The following NWD2 variants were observed in gnomAD, a reference collection of about 807,000 sequenced individuals.
The protein encoded by NWD2 is NACHT and WD repeat domain containing 2, also known as NACHT and WD repeat domain-containing protein 2.
In NWD2, 37 loss-of-function variants were observed where a neutral mutation model predicts 132.7. The ratio of observed to expected loss-of-function variants is 0.28; its 90% CI spans 0.21 to 0.37. The LOEUF is 0.37. Ranked by LOEUF, NWD2 falls within the 10% of genes least tolerant of loss-of-function variation. The probability of loss-of-function intolerance (pLI) is 1.00; values close to 1 mark genes in which losing one functional copy is unlikely to be tolerated. For synonymous variants in NWD2, 705 were observed against 803.0 expected, an observed-to-expected ratio of 0.88 and a Z score of 2.06; for missense variants, 1,592 against 2,122.4, an observed-to-expected ratio of 0.75 and a Z score of 4.91.
Position 37,321,081 on chromosome 4 carries a change from T to A in NWD2, c.152-4855T>A, listed in dbSNP as rs186278681. ...CTGAGGCATGAAAATTGCTTGAACC[T>A]GGGAGGTAGAGGTTGCAGTGAGCCG... On this transcript the variant is annotated intron_variant, in intron 1 of 6. Coordinates refer to ENST00000309447, the MANE Select transcript of NWD2 (RefSeq NM_001144990.2). Among the ~76,000 whole-genome samples the A allele has an allele frequency of 2.6e-5, 4 of 152,078 alleles. No homozygotes were observed. In the East Asian group the frequency reaches 7.8e-4, roughly 29 times the overall value.
intron 5 of NWD2, among the ~76,000 whole-genome samples, 179 bp from the exon 6 acceptor site, chr4:37,438,622 G>A (rs761565525): frequency 4.6e-5 from 7 of 152,120 alleles, no homozygotes; most frequent in South Asian, 2.1e-4. Flanking sequence ...CTGTTCTCCC[G>A]GGTTGCTGGC....
chr4:37,316,756 C>A (rs1718967573), intron 1 of NWD2, among the ~76,000 whole-genome samples: 1 of 152,160 alleles, frequency 6.6e-6, no homozygotes, highest in Non-Finnish European at 1.5e-5. Flanking sequence ...CCCACTCAGA[C>A]AATTTCCGTT....
In NWD2 at chr4:37,265,809, C is replaced by G. The variant is rs146820676; in HGVS notation, c.151+20591C>G. ...CAAAATAGTCTCCCCATTTCAAGAT[C>G]CTTAGCTTAATCACATCTGCAGAGT... is the stretch of plus-strand genomic sequence containing the variant. On this transcript the variant is annotated intron_variant, in intron 1 of 6. Transcript: ENST00000309447. Among the ~76,000 whole-genome samples, 120 of 152,176 alleles carry G rather than the reference C, an allele frequency of 7.9e-4. 1 individual carries two copies. The highest frequency in any genetic ancestry group is 2.8e-3 in the African/African-American group (116 of 41,550).
At chr4:37,353,981 T>A (rs1294414563) in intron 2 of NWD2, among the ~76,000 whole-genome samples, 2 of 152,172 alleles carry the variant, frequency 1.3e-5, no homozygotes, top group Non-Finnish European at 2.9e-5. Context: ...TCTTTGTGGC[T>A]TTATCTACCT....
Position 37,444,721 on chromosome 4 carries a change from A to T in NWD2, c.2733A>T (p.Ser911=), listed in dbSNP as rs1712588473. 1 of 1,551,936 alleles carries T rather than the reference A, an allele frequency of 6.4e-7. No homozygotes were observed. The highest frequency in any genetic ancestry group is 8.7e-7 in the Non-Finnish European group (1 of 1,147,082). The change falls in exon 7 of 7, where the codon TCA becomes TCT. Residue 911 remains serine, a synonymous_variant. Transcript: ENST00000309447. This position sits in a 1 kb window ranked among gnomAD's most constrained non-coding sequence, Gnocchi z 4.8. ...NKVTAFPGSL[S]AELQQRLLPV... Reference sequence around the variant, plus strand: ...TCACTGCATTTCCCGGCTCCCTTTCAGCAGAGCTTCAGCAAAGACTGCTGC... The same window carrying T: ...TCACTGCATTTCCCGGCTCCCTTTCTGCAGAGCTTCAGCAAAGACTGCTGC...
chr4:37,409,271 A>G (rs1328737698), intron 3 of NWD2, among the ~76,000 whole-genome samples: 2 of 152,050 alleles, frequency 1.3e-5, no homozygotes, highest in Non-Finnish European at 2.9e-5. Flanking sequence ...AAAAAAGGTT[A>G]GAGGAATGGC....
At chr4:37,355,813 A>G (rs1719860480) in intron 2 of NWD2, among the ~76,000 whole-genome samples, 2 of 152,128 alleles carry the variant, frequency 1.3e-5, no homozygotes, top group African/African-American at 4.8e-5. Flanking sequence ...TTTTTCAGAT[A>G]TATATTGATG....
chr4:37,361,023 A>G (rs902650971), intron 3 of NWD2, among the ~76,000 whole-genome samples: 3 of 152,174 alleles, frequency 2.0e-5, no homozygotes, highest in South Asian at 2.1e-4. Context: ...GGGACTATAC[A>G]AAAGATCCTC....
chr4:37,279,422 G>A (rs118017786), intron 1 of NWD2, among the ~76,000 whole-genome samples: 2 of 152,266 alleles, frequency 1.3e-5, no homozygotes, highest in East Asian at 3.9e-4. Flanking sequence ...GAAATCATAT[G>A]TAGAGACAGA....
chr4:37,286,192 C>A (rs926608619), intron 1 of NWD2, among the ~76,000 whole-genome samples: 5 of 152,200 alleles, frequency 3.3e-5, no homozygotes, highest in Admixed American at 2.0e-4. Context: ...GTAAGTTAAT[C>A]ATTTTCGGTG....
chr4:37,407,752 A>C (rs1721074674), intron 3 of NWD2, among the ~76,000 whole-genome samples: 1 of 152,224 alleles, frequency 6.6e-6, no homozygotes, highest in African/African-American at 2.4e-5. Context: ...AACATGGTGG[A>C]ATAGGATCAG....
intron 1 of NWD2, among the ~76,000 whole-genome samples, chr4:37,259,219 G>T (rs1315881589): frequency 1.3e-5 from 2 of 152,268 alleles, no homozygotes; most frequent in Non-Finnish European, 2.9e-5. Context: ...CTGTTGAAAA[G>T]AAATGCAACT....
Position 37,245,017 on chromosome 4 carries a change from C to A in NWD2, c.-51C>A. On this transcript the variant is annotated 5_prime_UTR_variant, in exon 1 of 7. Transcript: ENST00000309447. ...TTCCGTGGAGCTGCGGGCAGGAACC[C>A]GAGGAGCAGGAGGTGGCGGCGGCGG... is the stretch of plus-strand genomic sequence containing the variant. 3 of 1,537,632 alleles carry A rather than the reference C, an allele frequency of 2.0e-6. No individual in the cohort carries two copies. The highest frequency in any genetic ancestry group is 4.4e-4 in the Middle Eastern group (2 of 4,524).
At chr4:37,255,517 G>A (rs901115829) in intron 1 of NWD2, among the ~76,000 whole-genome samples, 6 of 152,200 alleles carry the variant, frequency 3.9e-5, no homozygotes, top group African/African-American at 1.2e-4. Context: ...GGGCTGAAAT[G>A]TGTTTAATTT....
chr4:37,423,295 T>C (rs1393647796), intron 3 of NWD2, among the ~76,000 whole-genome samples: 1 of 152,200 alleles, frequency 6.6e-6, no homozygotes, highest in Non-Finnish European at 1.5e-5. Flanking sequence ...TAGTCACTTG[T>C]CATTATTATT....
At chr4:37,393,224 T>A (rs1720715704) in intron 3 of NWD2, among the ~76,000 whole-genome samples, 1 of 152,000 alleles carries the variant, frequency 6.6e-6, no homozygotes, top group African/African-American at 2.4e-5. Context: ...TTGATCAGAA[T>A]CAAATAAAAG....
At chr4:37,426,251 T>A (rs1244510223) in intron 3 of NWD2, among the ~76,000 whole-genome samples, 1 of 152,192 alleles carries the variant, frequency 6.6e-6, no homozygotes, top group East Asian at 1.9e-4. Context: ...TGTCTTAGAC[T>A]CCTAAAAATT....
At chr4:37,401,483 A>T (rs950041936) in intron 3 of NWD2, among the ~76,000 whole-genome samples, 1 of 151,926 alleles carries the variant, frequency 6.6e-6, no homozygotes, top group Non-Finnish European at 1.5e-5. Context: ...ACTCTATTCC[A>T]TTGCTTTGGG....
chr4:37,287,308 G>A (rs1328911718), intron 1 of NWD2, among the ~76,000 whole-genome samples: 7 of 152,170 alleles, frequency 4.6e-5, no homozygotes, highest in Non-Finnish European at 8.8e-5. Flanking sequence ...CACAGCTGTA[G>A]CTGCCTGCTG....
Sources: gnomAD v4.1 joint callset for allele counts (sites outside exome capture counted in the v4.1 genomes callset) on GRCh38, gnomAD v4.1.1 for gene constraint, Gnocchi (gnomAD v3.1) non-coding constraint, MANE v1.5 for transcripts, NCBI Gene and HGNC (gene_info 2026-07-23, HGNC 2026-07-21) for gene names.